The following LHFPL6 variants were observed in gnomAD, a reference collection of about 807,000 sequenced individuals.
LHFPL6 encodes the protein LHFPL tetraspan subfamily member 6.
A neutral mutation model predicts 20.6 loss-of-function variants in LHFPL6; 9 were observed. The ratio of observed to expected loss-of-function variants is 0.44; its 90% CI spans 0.26 to 0.76. LHFPL6 has a LOEUF of 0.76. LHFPL6 is among the 30% of genes least tolerant of loss of function. LHFPL6 has a pLI of 0.20. For missense variants in LHFPL6, 218 were observed against 253.5 expected, an observed-to-expected ratio of 0.86 and a Z score of 0.95; for synonymous variants, 105 against 98.7, an observed-to-expected ratio of 1.06 and a Z score of -0.38.
At chr13:39,389,972 G>A (rs1466247998) in intron 2 of LHFPL6, among the ~76,000 whole-genome samples, 2 of 151,920 alleles carry the variant, frequency 1.3e-5, no homozygotes, top group Non-Finnish European at 2.9e-5. Flanking sequence ...CTCTCCCCAC[G>A]AGTGCCCTTA....
chr13:39,542,131 T>TAATAATAATAAA (rs1415016476), intron 2 of LHFPL6, among the ~76,000 whole-genome samples: 7 of 142,694 alleles, frequency 4.9e-5, no homozygotes, highest in Non-Finnish European at 7.6e-5. Context: ...ATAATAATAA[T>TAATAATAATAAA]AAAATAAAAA....
chr13:39,487,235 T>C (rs1199310572), intron 2 of LHFPL6, among the ~76,000 whole-genome samples: 1 of 152,202 alleles, frequency 6.6e-6, no homozygotes, highest in Non-Finnish European at 1.5e-5. Flanking sequence ...ACCCCTCCAA[T>C]ATTATTCAAG....
At chr13:39,519,255 A>T (rs1292090933) in intron 2 of LHFPL6, among the ~76,000 whole-genome samples, 3 of 143,136 alleles carry the variant, frequency 2.1e-5, no homozygotes, top group Non-Finnish European at 4.6e-5. Flanking sequence ...AAAATAAAAA[A>T]AAAATCAGAG....
intron 2 of LHFPL6, among the ~76,000 whole-genome samples, chr13:39,466,217 T>C (rs540128216): frequency 1.3e-5 from 2 of 152,330 alleles, no homozygotes; most frequent in East Asian, 1.9e-4. Flanking sequence ...GTTTGTTTGA[T>C]TGATTTTTCT....
At chr13:39,436,821 A>C (rs1247573530) in intron 2 of LHFPL6, among the ~76,000 whole-genome samples, 1 of 152,202 alleles carries the variant, frequency 6.6e-6, no homozygotes, top group Non-Finnish European at 1.5e-5. Flanking sequence ...TGTGCCTAAC[A>C]ATAGCTGTTA....
At chr13:39,562,755 G>A (rs1450202385) in intron 2 of LHFPL6, among the ~76,000 whole-genome samples, 2 of 149,278 alleles carry the variant, frequency 1.3e-5, no homozygotes, top group Admixed American at 6.7e-5. Flanking sequence ...CATGAGGAAC[G>A]GCACTTTACC....
chr13:39,577,516 G>A (rs1345084291), intron 2 of LHFPL6, among the ~76,000 whole-genome samples: 1 of 152,294 alleles, frequency 6.6e-6, no homozygotes, highest in East Asian at 1.9e-4. Flanking sequence ...GCACCCCAGT[G>A]AGCTATTATC....
intron 2 of LHFPL6, among the ~76,000 whole-genome samples, chr13:39,566,006 T>C (rs1190971881): frequency 6.6e-6 from 1 of 152,226 alleles, no homozygotes; most frequent in Non-Finnish European, 1.5e-5. Flanking sequence ...TTTTAAATTA[T>C]TATGCCCTAG....
At chr13:39,472,584 T>C (rs539994649) in intron 2 of LHFPL6, among the ~76,000 whole-genome samples, 1 of 152,198 alleles carries the variant, frequency 6.6e-6, no homozygotes, top group East Asian at 1.9e-4. Flanking sequence ...GAAAGGTTTC[T>C]TCCCCTCTTT....
intron 2 of LHFPL6, among the ~76,000 whole-genome samples, chr13:39,482,606 C>A (rs1254639384): frequency 6.6e-6 from 1 of 152,108 alleles, no homozygotes. Context: ...GTGTCAAATG[C>A]TGCAGAGAGA....
intron 2 of LHFPL6, among the ~76,000 whole-genome samples, chr13:39,524,373 G>A (rs371848213): frequency 2.7e-5 from 4 of 150,900 alleles, no homozygotes; most frequent in African/African-American, 9.7e-5. Flanking sequence ...GGGAAACGGA[G>A]CTGTCTCTAA....
intron 2 of LHFPL6, among the ~76,000 whole-genome samples, chr13:39,458,693 T>TAAAAAAAAAA (rs60626867): frequency 2.0e-5 from 2 of 97,662 alleles, no homozygotes; most frequent in Non-Finnish European, 2.3e-5. Flanking sequence ...ATACCCTGCC[T>TAAAAAAAAAA]AAAAAAAAAA....
intron 2 of LHFPL6, 116 bp downstream of exon 2, chr13:39,600,716 A>G: frequency 9.1e-7 from 1 of 1,098,242 alleles, no homozygotes; most frequent in Non-Finnish European, 1.2e-6. Context: ...TTCCAAATCT[A>G]TTTCTCTTAT....
chr13:39,519,897 G>A (rs1312129745), intron 2 of LHFPL6, among the ~76,000 whole-genome samples: 1 of 152,168 alleles, frequency 6.6e-6, no homozygotes, highest in Non-Finnish European at 1.5e-5. Flanking sequence ...TAACATTCAA[G>A]CCACTGTTTG....
intron 2 of LHFPL6, among the ~76,000 whole-genome samples, chr13:39,509,869 G>A (rs1054442550): frequency 5.3e-5 from 8 of 152,186 alleles, no homozygotes; most frequent in African/African-American, 1.9e-4. Context: ...CTGAGAGGAA[G>A]GGTGAGGCTG....
chr13:39,387,593 T>C (rs1870598914), intron 2 of LHFPL6, among the ~76,000 whole-genome samples: 1 of 149,156 alleles, frequency 6.7e-6, no homozygotes, highest in African/African-American at 2.5e-5. Flanking sequence ...TACCCCTGTT[T>C]AATAGGTGAA....
At chr13:39,497,763 G>T (rs1407835001) in intron 2 of LHFPL6, among the ~76,000 whole-genome samples, 1 of 152,116 alleles carries the variant, frequency 6.6e-6, no homozygotes. Flanking sequence ...TTAACTTAGG[G>T]TTTATTTTCT....
chr13:39,484,948 C>CT (rs922918232), intron 2 of LHFPL6, among the ~76,000 whole-genome samples: 7 of 151,690 alleles, frequency 4.6e-5, no homozygotes, highest in African/African-American at 1.5e-4. Flanking sequence ...CCAGAAGAAA[C>CT]TTTTTTTTTA....
intron 2 of LHFPL6, among the ~76,000 whole-genome samples, chr13:39,515,817 T>A (rs924166677): frequency 6.6e-6 from 1 of 152,162 alleles, no homozygotes; most frequent in Admixed American, 6.5e-5. Context: ...CATTATTAAC[T>A]AAGAGAGGAG....
Sources: allele counts gnomAD v4.1 joint callset (sites outside exome capture counted in the v4.1 genomes callset), GRCh38; gene constraint gnomAD v4.1.1; transcripts MANE v1.5; gene names NCBI Gene and HGNC (gene_info 2026-07-23, HGNC 2026-07-21).